Variants in MARCHF1 observed in about 807,000 individuals in gnomAD.
MARCHF1 encodes the protein E3 ubiquitin-protein ligase MARCHF1.
Under a neutral mutation model 54.2 loss-of-function variants are expected in MARCHF1, and 40 were observed. The observed-to-expected ratio is 0.74, with a 90% CI of 0.57 to 0.96. The LOEUF is 0.96. Among genes scored for constraint, MARCHF1 ranks in the 40% least tolerant of loss-of-function variants. MARCHF1 has a pLI of 0.00. For synonymous variants in MARCHF1, 236 were observed against 236.3 expected (o/e 1.00, Z 0.01); for missense variants, 586 against 656.5 (o/e 0.89, Z 1.17).
At position 163,955,322 on chromosome 4, in the gene MARCHF1, A is replaced by C. The variant is rs944877483; in HGVS notation, c.-39+33179T>G. ...ATCTTACAGCAAGCTCTCTCACATA[A>C]TAGAGGATAGGATCTGCTTTGAGGG... On this transcript the variant is annotated intron_variant, in intron 3 of 9. Transcript: ENST00000514618. Among the ~76,000 whole-genome samples the C allele has an allele frequency of 1.2e-4, 18 of 150,146 alleles. 1 individual carries two copies. Among genetic ancestry groups the C allele is most frequent in the Non-Finnish European group, 4.4e-5 (3 of 67,558 alleles).
chr4:163,837,798 C>G (rs1328863665), intron 4 of MARCHF1, among the ~76,000 whole-genome samples: 1 of 151,812 alleles, frequency 6.6e-6, no homozygotes, highest in African/African-American at 2.4e-5. Context: ...ACATGATTAC[C>G]AAATTTTAGC....
At chr4:164,269,711 T>C (rs1000918975) in intron 1 of MARCHF1, among the ~76,000 whole-genome samples, 71 of 152,198 alleles carry the variant, frequency 4.7e-4, no homozygotes, top group African/African-American at 1.6e-3. Context: ...TTGCTAGAAC[T>C]CACCTGTAAA....
At chr4:163,724,810 G>A (rs1052430346) in intron 4 of MARCHF1, among the ~76,000 whole-genome samples, 2 of 152,166 alleles carry the variant, frequency 1.3e-5, no homozygotes, top group Non-Finnish European at 2.9e-5. Context: ...TCCAAGCCAT[G>A]CATGGGATAT....
At chr4:164,123,296 A>C (rs1187122550) in intron 1 of MARCHF1, among the ~76,000 whole-genome samples, 1 of 152,122 alleles carries the variant, frequency 6.6e-6, no homozygotes, top group East Asian at 1.9e-4. Context: ...CACTGATGAA[A>C]GCAGTTGAAG....
intron 3 of MARCHF1, among the ~76,000 whole-genome samples, chr4:163,883,603 T>C (rs1419466370): frequency 1.3e-5 from 2 of 152,188 alleles, no homozygotes; most frequent in Non-Finnish European, 2.9e-5. Flanking sequence ...TCCTGAAGCA[T>C]ACAGATAGGA....
chr4:164,298,138 A>G (rs1386536985), intron 1 of MARCHF1, among the ~76,000 whole-genome samples: 1 of 152,162 alleles, frequency 6.6e-6, no homozygotes, highest in Non-Finnish European at 1.5e-5. Flanking sequence ...TCATAAGGAA[A>G]AGCATTTGGA....
chr4:164,079,070 C>A (rs1490578024), intron 2 of MARCHF1, among the ~76,000 whole-genome samples: 2 of 152,058 alleles, frequency 1.3e-5, no homozygotes, highest in Non-Finnish European at 2.9e-5. Flanking sequence ...TCTTTTTCTC[C>A]ATTTATGGCC....
intron 3 of MARCHF1, among the ~76,000 whole-genome samples, chr4:163,950,631 G>C (rs866914876): frequency 6.6e-6 from 1 of 152,304 alleles, no homozygotes; most frequent in South Asian, 2.1e-4. Flanking sequence ...GCTCCGTGGG[G>C]CATACAGCCC....
In MARCHF1 at chr4:164,054,488, T is replaced by C. The variant is rs1371537586; in HGVS notation, c.-248+57100A>G. Among the ~76,000 whole-genome samples the C allele has an allele frequency of 9.2e-5, 14 of 152,168 alleles. No individual in the cohort carries two copies. In the East Asian group the frequency reaches 1.4e-3, roughly 15 times the overall value. On this transcript the variant is annotated intron_variant, in intron 2 of 9. Transcript: ENST00000514618. ...GACACATGCACACGTATGTTTACTG[T>C]GGCATTATTCACGATAGCAAAGACT...
At chr4:164,277,146 G>A (rs1451356013) in intron 1 of MARCHF1, among the ~76,000 whole-genome samples, 2 of 151,488 alleles carry the variant, frequency 1.3e-5, no homozygotes, top group Non-Finnish European at 2.9e-5. Context: ...TTCTTGCTTA[G>A]AAGTCACTCC....
intron 3 of MARCHF1, among the ~76,000 whole-genome samples, chr4:163,926,221 T>C (rs1751534569): frequency 6.6e-6 from 1 of 151,714 alleles, no homozygotes; most frequent in Non-Finnish European, 1.5e-5. Context: ...TTTTGGCTGT[T>C]TTTTGAACTT....
chr4:164,007,345 C>CAAAAAAAAAA (rs56306052), intron 2 of MARCHF1, among the ~76,000 whole-genome samples: 7 of 81,794 alleles, frequency 8.6e-5, no homozygotes, highest in Admixed American at 1.5e-4. Flanking sequence ...GACTCCATCT[C>CAAAAAAAAAA]AAAAAAAAAA....
intron 2 of MARCHF1, among the ~76,000 whole-genome samples, chr4:164,075,719 A>G (rs546879098): frequency 6.6e-6 from 1 of 152,234 alleles, no homozygotes; most frequent in East Asian, 1.9e-4. Flanking sequence ...ACATTTCCCA[A>G]ATTGATTTAA....
chr4:163,964,565 C>T (rs569415170), intron 3 of MARCHF1, among the ~76,000 whole-genome samples: 1 of 152,140 alleles, frequency 6.6e-6, no homozygotes, highest in South Asian at 2.1e-4. Context: ...TTTGGGAACC[C>T]TGGCTTAAGA....
intron 4 of MARCHF1, among the ~76,000 whole-genome samples, chr4:163,725,926 C>A (rs1018126790): frequency 6.6e-6 from 1 of 152,164 alleles, no homozygotes; most frequent in African/African-American, 2.4e-5. Flanking sequence ...TTCCAATCAT[C>A]TTCTAATAAT....
intron 1 of MARCHF1, among the ~76,000 whole-genome samples, chr4:164,242,569 G>C (rs1331702477): frequency 2.0e-5 from 3 of 152,028 alleles, no homozygotes; most frequent in Non-Finnish European, 4.4e-5. Flanking sequence ...AAAGCAGAGC[G>C]CCTCTCCTCC....
At chr4:164,188,782 GCAAA>G (rs1731045963) in intron 1 of MARCHF1, 1 of 901,672 alleles carries the variant, frequency 1.1e-6, no homozygotes, top group African/African-American at 1.6e-5. Flanking sequence ...TTGGAGGTGG[GCAAA>G]CAAAGACATT....
rs200073508 is a variant in MARCHF1 at position 163,600,227 on chromosome 4, T to TAC, written c.1010+12042_1010+12043dup. On this transcript the variant is annotated intron_variant, in intron 7 of 9. Coordinates refer to ENST00000514618, the MANE Select transcript of MARCHF1 (RefSeq NM_001394959.1). Reference sequence around the variant, plus strand: ...ACACATATTTTATATACACACACACTACACACACACACATATATCTTCTGG... The same window carrying TAC: ...ACACATATTTTATATACACACACACTACACACACACACACATATATCTTCTGG... Among the ~76,000 whole-genome samples the TAC allele has an allele frequency of 7.9e-3, 1,196 of 151,690 alleles. 14 individuals are homozygous for TAC. The highest frequency in any genetic ancestry group is 0.01 in the Non-Finnish European group (690 of 67,818).
chr4:164,106,712 C>T (rs1238522296), intron 2 of MARCHF1, among the ~76,000 whole-genome samples: 2 of 143,276 alleles, frequency 1.4e-5, no homozygotes, highest in African/African-American at 5.3e-5. Flanking sequence ...CACATGTATA[C>T]ATATGTAACT....
Sources: allele counts gnomAD v4.1 joint callset (sites outside exome capture counted in the v4.1 genomes callset), GRCh38; gene constraint gnomAD v4.1.1; transcripts MANE v1.5; gene names NCBI Gene and HGNC (gene_info 2026-07-23, HGNC 2026-07-21).